Variants in ZFHX4 observed in about 807,000 individuals in gnomAD.
ZFHX4 encodes the protein zinc finger homeobox 4.
In ZFHX4, 56 loss-of-function variants were observed where a neutral mutation model predicts 267.6. The ratio of observed to expected loss-of-function variants is 0.21; its 90% CI spans 0.17 to 0.26. ZFHX4 has a LOEUF of 0.26. Among genes scored for constraint, ZFHX4 ranks in the 10% least tolerant of loss-of-function variants. The probability of loss-of-function intolerance (pLI) is 1.00; values close to 1 mark genes in which losing one functional copy is unlikely to be tolerated. For missense variants in ZFHX4, 4,332 were observed against 4,420.0 expected, an observed-to-expected ratio of 0.98 and a Z score of 0.56; for synonymous variants, 1,778 against 1,665.6, an observed-to-expected ratio of 1.07 and a Z score of -1.64.
intron 6 of ZFHX4, 22 bp from the exon 7 acceptor site, chr8:76,848,973 T>C (rs1812435333): frequency 3.3e-6 from 5 of 1,501,954 alleles, no homozygotes; most frequent in Non-Finnish European, 4.4e-6. Flanking sequence ...AATTGAATTG[T>C]TCTATTCTTT....
At chr8:76,843,082 G>A (rs1050642179) in intron 6 of ZFHX4, among the ~76,000 whole-genome samples, 8 of 152,036 alleles carry the variant, frequency 5.3e-5, no homozygotes, top group Non-Finnish European at 1.0e-4. Context: ...TTTTTTAAGC[G>A]CCTTTCATTA....
At chr8:76,687,417 A>G (rs1431521352) in intron 1 of ZFHX4, among the ~76,000 whole-genome samples, 1 of 152,210 alleles carries the variant, frequency 6.6e-6, no homozygotes, top group Non-Finnish European at 1.5e-5. Context: ...TGAAGAGGAC[A>G]TTGTTACTAG....
At chr8:76,799,298 G>A (rs1811059660) in intron 4 of ZFHX4, among the ~76,000 whole-genome samples, 1 of 151,956 alleles carries the variant, frequency 6.6e-6, no homozygotes, top group African/African-American at 2.4e-5. Flanking sequence ...TTTAGAGAAT[G>A]TAGCAGAGAA....
At chr8:76,846,467 C>T (rs759821931) in intron 6 of ZFHX4, among the ~76,000 whole-genome samples, 2 of 151,970 alleles carry the variant, frequency 1.3e-5, no homozygotes, top group East Asian at 1.9e-4. Context: ...TTGAGGGTGA[C>T]GCATAACTGT....
At chr8:76,782,286 T>G (rs1810571961) in intron 4 of ZFHX4, 4 of 386,908 alleles carry the variant, frequency 1.0e-5, no homozygotes, top group Middle Eastern at 3.6e-4. Context: ...ATGTACACTC[T>G]GTCTGGCTAT....
In ZFHX4 at chr8:76,850,920, T is replaced by A; in HGVS notation, c.3999T>A (p.Gly1333=). ...ESPMDDKSMA[G]LEDSKANVEV... Reference sequence around the variant, plus strand: ...CAATGGATGACAAAAGCATGGCAGGTCTCGAGGATTCAAAGGCTAATGTGG... The same window carrying A: ...CAATGGATGACAAAAGCATGGCAGGACTCGAGGATTCAAAGGCTAATGTGG... The change falls in exon 10 of 11, where the codon GGT becomes GGA. Residue 1333 remains glycine, a synonymous_variant. Coordinates refer to ENST00000651372, the MANE Select transcript of ZFHX4 (RefSeq NM_024721.5). The A allele has an allele frequency of 6.2e-7, 1 of 1,610,666 alleles. No homozygotes were observed. The highest frequency in any genetic ancestry group is 8.5e-7 in the Non-Finnish European group (1 of 1,178,504).
chr8:76,694,739 G>A (rs1428657925), intron 1 of ZFHX4, among the ~76,000 whole-genome samples: 2 of 130,946 alleles, frequency 1.5e-5, no homozygotes, highest in Non-Finnish European at 3.1e-5. Flanking sequence ...GTCCACTCAG[G>A]CTTCCCTTTT....
At chr8:76,682,670 T>TGTGTGC (rs760511274) in intron 1 of ZFHX4, 96 of 152,950 alleles carry the variant, frequency 6.3e-4, no homozygotes, top group Non-Finnish European at 1.1e-3. Flanking sequence ...GGGCAAGGGG[T>TGTGTGC]GTGTGCGTGT....
chr8:76,730,163 C>T (rs1302949174), intron 3 of ZFHX4, among the ~76,000 whole-genome samples: 6 of 152,108 alleles, frequency 3.9e-5, no homozygotes, highest in Admixed American at 3.9e-4. Context: ...GAGTCTCCTT[C>T]CTGGCAGACA....
chr8:76,835,257 A>ATATATGTATATATATATATG (rs1812062133), intron 5 of ZFHX4, among the ~76,000 whole-genome samples: 1 of 143,772 alleles, frequency 7.0e-6, no homozygotes, highest in African/African-American at 2.6e-5. Flanking sequence ...ATATATATAT[A>ATATATGTATATATATATATG]TATTCATACA....
intron 3 of ZFHX4, among the ~76,000 whole-genome samples, chr8:76,740,531 G>A (rs199982565): frequency 6.6e-6 from 1 of 152,040 alleles, no homozygotes; most frequent in African/African-American, 2.4e-5. Context: ...GTTTGAGAAA[G>A]AGTCAAGGAG....
intron 4 of ZFHX4, among the ~76,000 whole-genome samples, chr8:76,784,159 T>C (rs2131788135): frequency 6.6e-6 from 1 of 152,050 alleles, no homozygotes; most frequent in East Asian, 1.9e-4. Flanking sequence ...CCAGTTGATA[T>C]ATAATTGTAG....
intron 4 of ZFHX4, among the ~76,000 whole-genome samples, chr8:76,779,635 T>C (rs1318066949): frequency 6.6e-6 from 1 of 152,194 alleles, no homozygotes; most frequent in East Asian, 1.9e-4. Context: ...TCTAATTAGC[T>C]GCTAATACTG....
chr8:76,775,909 T>TG (rs1013624557), intron 3 of ZFHX4, among the ~76,000 whole-genome samples: 1 of 151,694 alleles, frequency 6.6e-6, no homozygotes, highest in African/African-American at 2.4e-5. Flanking sequence ...TTTTTTTTTT[T>TG]TTTAATGTGA....
intron 4 of ZFHX4, among the ~76,000 whole-genome samples, chr8:76,824,086 C>A (rs1428787918): frequency 6.6e-6 from 1 of 152,188 alleles, no homozygotes; most frequent in East Asian, 1.9e-4. Context: ...CTGGTGCCAA[C>A]ATATTAATAG....
chr8:76,863,925 T>C lies in ZFHX4; in HGVS notation c.10211T>C (p.Ile3404Thr). The C allele has an allele frequency of 6.3e-7, 1 of 1,595,940 alleles. No individual in the cohort carries two copies. Among genetic ancestry groups the C allele is most frequent in the Non-Finnish European group, 8.5e-7 (1 of 1,170,588 alleles). Residue 3404 changes from isoleucine to threonine, a missense_variant, in exon 11 of 11, where the codon ATA becomes ACA. This residue lies in a region of ZFHX4 where 1,648 missense variants were observed against 1,625.0 expected (regional missense o/e 1.01). Transcript: ENST00000651372. Reference sequence around the variant, plus strand: ...GTTCCATTCGTCAAGTATGAGTTTATATGCAGAAAGTGCCAGATGATGTTT... The same window carrying C: ...GTTCCATTCGTCAAGTATGAGTTTACATGCAGAAAGTGCCAGATGATGTTT... ...YVVPFVKYEF[I>T]CRKCQMMFTD...
chr8:76,805,150 T>C (rs565302111), intron 4 of ZFHX4, among the ~76,000 whole-genome samples: 168 of 152,264 alleles, frequency 1.1e-3, no homozygotes, highest in Non-Finnish European at 2.1e-3. Context: ...TGATTTTCTG[T>C]GGTTGAACAA....
At chr8:76,789,903 G>T (rs943688270) in intron 4 of ZFHX4, among the ~76,000 whole-genome samples, 1 of 152,176 alleles carries the variant, frequency 6.6e-6, no homozygotes, top group African/African-American at 2.4e-5. Flanking sequence ...TTTACGGTTT[G>T]CTCTGTAAAT....
Position 76,850,338 on chromosome 8 carries a change from G to A in ZFHX4, c.3940G>A (p.Ala1314Thr), listed in dbSNP as rs1286301016. Residue 1314 changes from alanine to threonine, a missense_variant, in exon 9 of 11, where the codon GCT becomes ACT. Transcript: ENST00000651372. ...SERDTPAAVT[A>T]EGSGKYSGES... The stretch of plus-strand genomic sequence containing the variant: ...GCGGGACACACCTGCAGCCGTGACA[G>A]CTGAGGGGTCTGGGAAATATTCAGG... The A allele has an allele frequency of 1.2e-6, 2 of 1,612,420 alleles. No homozygotes were observed. Among genetic ancestry groups the A allele is most frequent in the South Asian group, 2.2e-5 (2 of 90,562 alleles).
Sources: allele counts gnomAD v4.1 joint callset (sites outside exome capture counted in the v4.1 genomes callset), GRCh38; gene constraint gnomAD v4.1.1; regional missense constraint gnomAD v4.1.1; transcripts MANE v1.5; gene names NCBI Gene and HGNC (gene_info 2026-07-23, HGNC 2026-07-21).